Variants in PTPN13 observed in about 807,000 individuals in gnomAD.
The protein encoded by PTPN13 is protein tyrosine phosphatase non-receptor type 13.
In PTPN13, 191 loss-of-function variants were observed where a neutral mutation model predicts 284.0. The observed-to-expected ratio is 0.67, with a 90% CI of 0.60 to 0.76. The LOEUF is 0.76. Ranked by LOEUF, PTPN13 falls within the 30% of genes least tolerant of loss-of-function variation. The probability of loss-of-function intolerance (pLI) is 0.00; values close to 1 mark genes in which losing one functional copy is unlikely to be tolerated. For missense variants in PTPN13, 2,797 were observed against 2,939.9 expected (o/e 0.95, Z 1.12); for synonymous variants, 986 against 1,022.3 (o/e 0.96, Z 0.68).
At chr4:86,706,703 G>T (rs75156243) in intron 7 of PTPN13, among the ~76,000 whole-genome samples, 7,518 of 152,232 alleles carry the variant, frequency 0.049, 255 homozygotes, top group African/African-American at 0.071. Flanking sequence ...GAAAGAAATT[G>T]TAGTTGAAAT....
rs1351127959 is a variant in PTPN13 at position 86,809,982 on chromosome 4, G to T, written c.7297G>T (p.Asp2433Tyr). 6.2e-7 allele frequency: 1 copy of T among 1,613,088 alleles called. No individual in the cohort carries two copies. Among genetic ancestry groups the T allele is most frequent in the Non-Finnish European group, 8.5e-7 (1 of 1,179,336 alleles). ...TCTGGGATTAATCAGTCAGGATCTT[G>T]ATGTGAGTACAAGATATTGGCTGAG... ...VVLGLISQDLDFDISDLVRCM... is the reference protein window; with the variant it reads ...VVLGLISQDLYFDISDLVRCM... The change falls in exon 46 of 48, where the codon GAT (aspartate) becomes TAT (tyrosine). Residue 2433 changes from aspartate (D) to tyrosine (Y), a missense_variant and splice_region_variant. Asp to Tyr is a radical substitution (Grantham distance 160). Coordinates refer to ENST00000411767, the MANE Select transcript of PTPN13 (RefSeq NM_080683.3).
At chr4:86,724,004 TGTTG>T (rs1235363667) in intron 10 of PTPN13, among the ~76,000 whole-genome samples, 1 of 152,196 alleles carries the variant, frequency 6.6e-6, no homozygotes, top group Non-Finnish European at 1.5e-5. Flanking sequence ...GAGAAAAAGC[TGTTG>T]GTTGGTGAAA....
intron 23 of PTPN13, among the ~76,000 whole-genome samples, chr4:86,761,907 C>T (rs1385515817): frequency 6.6e-6 from 1 of 152,032 alleles, no homozygotes. Flanking sequence ...CATATAAATT[C>T]TCATCTTTAA....
At chr4:86,782,087 G>T in intron 36 of PTPN13, 114 bp from the exon 37 acceptor site, 12 of 633,152 alleles carry the variant, frequency 1.9e-5, no homozygotes, top group Admixed American at 5.7e-5. Context: ...AATTATTTTT[G>T]TGTACTAATA....
chr4:86,614,082 C>CTTTTTATATAAA (rs1720265196), intron 1 of PTPN13, among the ~76,000 whole-genome samples: 1 of 152,112 alleles, frequency 6.6e-6, no homozygotes. Flanking sequence ...AAAATAAGCA[C>CTTTTTATATAAA]CATGGCATTT....
chr4:86,782,147 C>A (rs183579261), intron 36 of PTPN13, 54 bp from the exon 37 acceptor site: 1 of 1,211,818 alleles, frequency 8.3e-7, no homozygotes, highest in South Asian at 1.3e-5. Context: ...ATTTTGATGT[C>A]CCTCTTGTGG....
Position 86,784,456 on chromosome 4 carries a change from A to G in PTPN13, c.6025-9A>G. The G allele has an allele frequency of 1.9e-6, 3 of 1,590,706 alleles. No homozygotes were observed. The highest frequency in any genetic ancestry group is 2.6e-6 in the Non-Finnish European group (3 of 1,167,302). On this transcript the variant is annotated splice_polypyrimidine_tract_variant and intron_variant, in intron 37 of 47. Transcript: ENST00000411767. ...CTATCTGATGATTTGCTTTGGTTTT[A>G]TGCTTTAGGTTGCTGGGGAAGAAAT...
intron 19 of PTPN13, among the ~76,000 whole-genome samples, chr4:86,752,597 T>C (rs1446654767): frequency 6.6e-6 from 1 of 152,120 alleles, no homozygotes; most frequent in Non-Finnish European, 1.5e-5. Flanking sequence ...TACATGAAAA[T>C]TCATTACATA....
chr4:86,605,080 A>T (rs571294301), intron 1 of PTPN13, among the ~76,000 whole-genome samples: 1 of 152,058 alleles, frequency 6.6e-6, no homozygotes, highest in African/African-American at 2.4e-5. Context: ...AAGTGAATTC[A>T]TGAGGGAAGT....
chr4:86,710,366 C>A (rs556250581), intron 7 of PTPN13, among the ~76,000 whole-genome samples: 1 of 152,278 alleles, frequency 6.6e-6, no homozygotes, highest in South Asian at 2.1e-4. Flanking sequence ...CTGAGTCTCA[C>A]TTTCTGCATA....
chr4:86,665,827 TG>T (rs765781532), intron 2 of PTPN13, among the ~76,000 whole-genome samples: 2 of 152,162 alleles, frequency 1.3e-5, no homozygotes, highest in South Asian at 2.1e-4. Context: ...TTGTCTTCTG[TG>T]GGGGGAAAAT....
chr4:86,734,019 G>A (rs186071031), intron 12 of PTPN13, among the ~76,000 whole-genome samples: 14 of 152,290 alleles, frequency 9.2e-5, no homozygotes, highest in African/African-American at 3.4e-4. Context: ...GATGTCTAGA[G>A]AGGTAAAATA....
At chr4:86,639,466 G>T (rs1383379346) in intron 2 of PTPN13, among the ~76,000 whole-genome samples, 1 of 152,086 alleles carries the variant, frequency 6.6e-6, no homozygotes, top group African/African-American at 2.4e-5. Context: ...AGAAAATGTG[G>T]CACATATACA....
At chr4:86,731,964 C>T (rs777419515) in intron 10 of PTPN13, among the ~76,000 whole-genome samples, 1 of 152,154 alleles carries the variant, frequency 6.6e-6, no homozygotes, top group Non-Finnish European at 1.5e-5. Context: ...GGCTGAATGT[C>T]GCTTTCTAAG....
chr4:86,772,665 C>A (rs1377441499), intron 31 of PTPN13, 113 bp from the exon 32 acceptor site: 2 of 836,094 alleles, frequency 2.4e-6, no homozygotes, highest in African/African-American at 1.7e-5. Flanking sequence ...TAACTAGGAT[C>A]TCAATCAAAA....
At chr4:86,644,301 T>C (rs1296505496) in intron 2 of PTPN13, among the ~76,000 whole-genome samples, 11 of 152,108 alleles carry the variant, frequency 7.2e-5, no homozygotes, top group Non-Finnish European at 1.3e-4. Context: ...TCGGCCAAAT[T>C]TTTTTTGTGT....
At chr4:86,694,356 G>A (rs868262736) in intron 6 of PTPN13, among the ~76,000 whole-genome samples, 6 of 151,328 alleles carry the variant, frequency 4.0e-5, no homozygotes, top group Admixed American at 2.0e-4. Context: ...TGAGGTGGGC[G>A]GATCACCTGA....
At chr4:86,601,111 G>C (rs1764261214) in intron 1 of PTPN13, among the ~76,000 whole-genome samples, 1 of 152,040 alleles carries the variant, frequency 6.6e-6, no homozygotes, top group African/African-American at 2.4e-5. Flanking sequence ...GAATTTTCTA[G>C]TACTCTATGA....
At chr4:86,662,507 A>G (rs1726620105) in intron 2 of PTPN13, among the ~76,000 whole-genome samples, 2 of 151,942 alleles carry the variant, frequency 1.3e-5, no homozygotes. Context: ...AATTTTTATA[A>G]TTTTAGTAGA....
Sources: allele counts gnomAD v4.1 joint callset (sites outside exome capture counted in the v4.1 genomes callset), GRCh38; gene constraint gnomAD v4.1.1; transcripts MANE v1.5; gene names NCBI Gene and HGNC (gene_info 2026-07-23, HGNC 2026-07-21).